The following PTPN13 variants were observed in gnomAD, a reference collection of about 807,000 sequenced individuals.
The protein encoded by PTPN13 is protein tyrosine phosphatase non-receptor type 13, also known as tyrosine-protein phosphatase non-receptor type 13.
PTPN13 carries 191 observed loss-of-function variants against 284.0 expected under a neutral mutation model. That is an observed-to-expected ratio of 0.67 (90% CI 0.60 to 0.76). The LOEUF (loss-of-function observed/expected upper bound fraction) is 0.76, where lower values mean the gene tolerates loss of function less well. PTPN13 is among the 30% of genes least tolerant of loss of function. PTPN13 has a pLI of 0.00. For synonymous variants in PTPN13, 986 were observed against 1,022.3 expected (o/e 0.96, Z 0.68); for missense variants, 2,797 against 2,939.9 (o/e 0.95, Z 1.12).
At chr4:86,651,627 G>A (rs1725087452) in intron 2 of PTPN13, among the ~76,000 whole-genome samples, 1 of 152,064 alleles carries the variant, frequency 6.6e-6, no homozygotes, top group African/African-American at 2.4e-5. Flanking sequence ...TTTCTTTGAT[G>A]GGAGACTTTT....
rs546132192 is a variant in PTPN13 at position 86,781,386 on chromosome 4, T to A, written c.5963-815T>A. Among the ~76,000 whole-genome samples the A allele has an allele frequency of 4.6e-5, 7 of 152,324 alleles. No individual in the cohort carries two copies. In the East Asian group the frequency reaches 1.3e-3, roughly 29 times the overall value. On this transcript the variant is annotated intron_variant, in intron 36 of 47. Coordinates refer to ENST00000411767, the MANE Select transcript of PTPN13 (RefSeq NM_080683.3). ...TGTTTTAGCTGTAAGTGAAATATAA[T>A]CTCCTTTTTTAATATATTGAATTTT... is the stretch of plus-strand genomic sequence containing the variant.
intron 20 of PTPN13, among the ~76,000 whole-genome samples, chr4:86,753,509 G>C (rs1737625379): frequency 6.6e-6 from 1 of 152,014 alleles, no homozygotes; most frequent in African/African-American, 2.4e-5. Flanking sequence ...GTCTCAGTAT[G>C]GTGGCATGTG....
intron 1 of PTPN13, among the ~76,000 whole-genome samples, chr4:86,599,456 TATATTTTAATTAATTAAAATTA>T (rs1764107849): frequency 6.6e-6 from 1 of 152,100 alleles, no homozygotes; most frequent in African/African-American, 2.4e-5. Flanking sequence ...TATGTAAATT[TATATTTTAATTAATTAAAATTA>T]GATACAATTT....
intron 2 of PTPN13, among the ~76,000 whole-genome samples, chr4:86,637,518 G>T (rs1328057488): frequency 3.3e-5 from 5 of 152,000 alleles, no homozygotes; most frequent in African/African-American, 1.2e-4. Flanking sequence ...TGCAAGGCTG[G>T]TTCAATATAC....
intron 9 of PTPN13, among the ~76,000 whole-genome samples, chr4:86,717,674 A>G (rs534219401): frequency 1.3e-5 from 2 of 152,302 alleles, no homozygotes; most frequent in East Asian, 3.9e-4. Flanking sequence ...AAAATTATCA[A>G]TATGAATATA....
At chr4:86,650,206 C>T (rs1425674100) in intron 2 of PTPN13, among the ~76,000 whole-genome samples, 3 of 152,074 alleles carry the variant, frequency 2.0e-5, no homozygotes, top group African/African-American at 4.8e-5. Flanking sequence ...AGGCTGGTCT[C>T]GAACTCCTGA....
In PTPN13 at chr4:86,597,301, G is replaced by C. The variant is rs555016825; in HGVS notation, c.-6+2512G>C. Among the ~76,000 whole-genome samples the C allele has an allele frequency of 2.0e-5, 3 of 152,084 alleles. No homozygotes were observed. The East Asian group carries it at 5.8e-4, about 29-fold the overall frequency. On this transcript the variant is annotated intron_variant, in intron 1 of 47. Transcript: ENST00000411767. ...TGCCCAGTTTGGAATGCAGTGGCTCGATCATGGCTCACTGCTGCCTCAACT... is the reference window on the plus strand; with the variant it reads ...TGCCCAGTTTGGAATGCAGTGGCTCCATCATGGCTCACTGCTGCCTCAACT...
intron 2 of PTPN13, among the ~76,000 whole-genome samples, chr4:86,660,844 A>T (rs1238840029): frequency 6.6e-6 from 1 of 152,266 alleles, no homozygotes; most frequent in East Asian, 1.9e-4. Context: ...TTGACTTCAG[A>T]TGTTCTAAAC....
chr4:86,745,096 C>G lies in PTPN13; in HGVS notation c.2618C>G (p.Ala873Gly). The G allele has an allele frequency of 6.2e-7, 1 of 1,612,776 alleles. No individual in the cohort carries two copies. Among genetic ancestry groups the G allele is most frequent in the Admixed American group, 1.7e-5 (1 of 59,824 alleles). Reference sequence around the variant, plus strand: ...CATAAGTTCCAGCTACAGATGAGAGCAAGACAGAGCAACCAAGATGCCCAA... The same window carrying G: ...CATAAGTTCCAGCTACAGATGAGAGGAAGACAGAGCAACCAAGATGCCCAA... ...YQHKFQLQMRARQSNQDAQDI... is the reference protein window; with the variant it reads ...YQHKFQLQMRGRQSNQDAQDI... Residue 873 changes from alanine to glycine, a missense_variant, in exon 17 of 48, where the codon GCA becomes GGA. Coordinates refer to ENST00000411767, the MANE Select transcript of PTPN13 (RefSeq NM_080683.3).
rs1055084087 is a variant in PTPN13, at chr4:86,683,524, A to G, written c.295-3186A>G. ...TGACTGGAAAGGGCCCACCCATGATAGGGAGGGCAGTCTGCTTTACTCAGT... is the reference window on the plus strand; with the variant it reads ...TGACTGGAAAGGGCCCACCCATGATGGGGAGGGCAGTCTGCTTTACTCAGT... On this transcript the variant is annotated intron_variant, in intron 3 of 47. Transcript: ENST00000411767. 2.0e-5 allele frequency among the ~76,000 whole-genome samples: 3 copies of G among 152,168 alleles called. No individual in the cohort carries two copies. In the East Asian group the frequency reaches 5.8e-4, roughly 29 times the overall value.
In PTPN13 at chr4:86,807,632, G is replaced by T. The variant is rs1344242024; in HGVS notation, c.6818G>T (p.Gly2273Val). The T allele has an allele frequency of 6.2e-7, 1 of 1,613,942 alleles. No homozygotes were observed. Among genetic ancestry groups the T allele is most frequent in the East Asian group, 2.2e-5 (1 of 44,882 alleles). The part of the protein sequence containing the change: ...INASFIKIPV[G>V]KEEFVYIACQ... The stretch of plus-strand genomic sequence containing the variant: ...GCCAGCTTCATTAAGATACCAGTTG[G>T]GAAAGAAGAGTTCGTTTACATTGCC... Residue 2273 changes from glycine to valine, a missense_variant, in exon 45 of 48, where the codon GGG becomes GTG. Gly to Val is a moderately radical substitution (Grantham distance 109). Transcript: ENST00000411767.
At chr4:86,747,572 C>T (rs961720195) in intron 17 of PTPN13, among the ~76,000 whole-genome samples, 24 of 150,570 alleles carry the variant, frequency 1.6e-4, no homozygotes, top group Non-Finnish European at 2.9e-4. Context: ...GCAGCAGCAG[C>T]AGCAGCAGCA....
chr4:86,647,022 T>C (rs148110128), intron 2 of PTPN13, among the ~76,000 whole-genome samples: 133 of 152,308 alleles, frequency 8.7e-4, no homozygotes, highest in Non-Finnish European at 1.6e-3. Flanking sequence ...AACTAAGCTG[T>C]AGTGAGTGAC....
intron 2 of PTPN13, among the ~76,000 whole-genome samples, chr4:86,664,046 G>A (rs1262908099): frequency 2.0e-5 from 3 of 152,136 alleles, no homozygotes; most frequent in African/African-American, 7.2e-5. Context: ...TCATTTGTGT[G>A]TAGGATAGGT....
intron 3 of PTPN13, among the ~76,000 whole-genome samples, chr4:86,680,512 A>G (rs1398788055): frequency 6.6e-6 from 1 of 151,998 alleles, no homozygotes; most frequent in African/African-American, 2.4e-5. Flanking sequence ...TTTCCTCTTC[A>G]GCCCTATTGC....
chr4:86,686,606 T>C, intron 3 of PTPN13, 104 bp from the exon 4 acceptor site: 1 of 739,810 alleles, frequency 1.4e-6, no homozygotes, highest in Non-Finnish European at 2.2e-6. Context: ...TCTCAAATTG[T>C]GTATTATATT....
intron 3 of PTPN13, among the ~76,000 whole-genome samples, chr4:86,674,021 C>T (rs1728006830): frequency 6.6e-6 from 1 of 152,038 alleles, no homozygotes; most frequent in Admixed American, 6.6e-5. Context: ...AGTTTTAATA[C>T]TCTGTGGAAA....
At chr4:86,681,098 G>A (rs935075780) in intron 3 of PTPN13, among the ~76,000 whole-genome samples, 1 of 152,278 alleles carries the variant, frequency 6.6e-6, no homozygotes, top group South Asian at 2.1e-4. Context: ...AATATTAAGA[G>A]CAGAGAGAGG....
intron 40 of PTPN13, among the ~76,000 whole-genome samples, chr4:86,789,191 A>G (rs1271708610): frequency 6.6e-6 from 1 of 152,240 alleles, no homozygotes; most frequent in Admixed American, 6.5e-5. Flanking sequence ...ATGCCAAGGA[A>G]TTTGATCTTT....
Sources: gnomAD v4.1 joint callset for allele counts (sites outside exome capture counted in the v4.1 genomes callset) on GRCh38, gnomAD v4.1.1 for gene constraint, MANE v1.5 for transcripts, NCBI Gene and HGNC (gene_info 2026-07-23, HGNC 2026-07-21) for gene names.